ASIC2: variants seen among roughly 807,000 people sequenced by gnomAD.
ASIC2 encodes acid sensing ion channel subunit 2.
Under a neutral mutation model 57.3 loss-of-function variants are expected in ASIC2, and 25 were observed. The ratio of observed to expected loss-of-function variants is 0.44; its 90% CI spans 0.32 to 0.61. ASIC2 has a LOEUF of 0.61. ASIC2 is among the 20% of genes least tolerant of loss of function. The pLI, the probability that ASIC2 is intolerant of heterozygous loss-of-function variation, is 0.06. For synonymous variants in ASIC2, 319 were observed against 307.5 expected (o/e 1.04, Z -0.39); for missense variants, 641 against 738.1 (o/e 0.87, Z 1.52).
chr17:33,447,691 G>T (rs1912077791), intron 1 of ASIC2, among the ~76,000 whole-genome samples: 2 of 152,100 alleles, frequency 1.3e-5, no homozygotes, highest in Non-Finnish European at 2.9e-5. Context: ...ATACAAAAGA[G>T]GTTAGGGAGT....
At position 33,750,267 on chromosome 17, in the gene ASIC2, A is replaced by G. The variant is rs533231941; in HGVS notation, c.555+405711T>C. On this transcript the variant is annotated intron_variant, in intron 1 of 9. Transcript: ENST00000359872. The stretch of plus-strand genomic sequence containing the variant: ...CAGAAGACTATCCAGGACCCTGGGC[A>G]ACCCCTTCCTCTTTCCTGGACTTTG... Among the ~76,000 whole-genome samples the G allele has an allele frequency of 1.2e-4, 19 of 152,272 alleles. 1 individual carries two copies. The East Asian group carries it at 3.7e-3, about 29-fold the overall frequency.
intron 1 of ASIC2, among the ~76,000 whole-genome samples, chr17:34,104,889 GA>G (rs1428836279): frequency 1.3e-5 from 2 of 151,982 alleles, no homozygotes; most frequent in African/African-American, 4.8e-5. Flanking sequence ...TGTTAATGAA[GA>G]ATATTTTCTT....
intron 6 of ASIC2, among the ~76,000 whole-genome samples, chr17:33,023,199 A>C (rs919705162): frequency 1.3e-5 from 2 of 152,204 alleles, no homozygotes. Context: ...CTTTAAAAAA[A>C]TCTCTGGGCC....
intron 1 of ASIC2, among the ~76,000 whole-genome samples, chr17:33,499,517 A>C (rs573074218): frequency 1.3e-5 from 2 of 152,350 alleles, no homozygotes; most frequent in African/African-American, 4.8e-5. Flanking sequence ...GGAGGCATGG[A>C]AAATATTGTT....
intron 1 of ASIC2, among the ~76,000 whole-genome samples, chr17:33,580,883 C>A (rs1291457949): frequency 2.0e-5 from 3 of 152,154 alleles, no homozygotes; most frequent in Non-Finnish European, 2.9e-5. Context: ...CATAGGGGCA[C>A]CTACCCAGGG....
intron 1 of ASIC2, among the ~76,000 whole-genome samples, chr17:33,915,307 T>A (rs749884140): frequency 1.3e-5 from 2 of 152,172 alleles, no homozygotes; most frequent in Admixed American, 6.5e-5. Flanking sequence ...TCTTTTGTAT[T>A]TGTCCTTCCC....
intron 1 of ASIC2, among the ~76,000 whole-genome samples, chr17:33,126,457 G>A (rs2142001884): frequency 6.6e-6 from 1 of 152,306 alleles, no homozygotes; most frequent in African/African-American, 2.4e-5. Context: ...GAGTTGCCAG[G>A]GAGACCATGA....
At chr17:34,153,755 C>A (rs1248481080) in intron 1 of ASIC2, among the ~76,000 whole-genome samples, 2 of 152,202 alleles carry the variant, frequency 1.3e-5, no homozygotes, top group Non-Finnish European at 2.9e-5. Flanking sequence ...CATAGAGGGC[C>A]AGCCTGAGGA....
intron 1 of ASIC2, among the ~76,000 whole-genome samples, chr17:33,418,091 A>G (rs1466784196): frequency 6.8e-6 from 1 of 147,224 alleles, no homozygotes; most frequent in Non-Finnish European, 1.5e-5. Flanking sequence ...GCCATGCTCC[A>G]GTGTGACTGT....
At chr17:33,820,819 G>A (rs548608135) in intron 1 of ASIC2, among the ~76,000 whole-genome samples, 3 of 152,252 alleles carry the variant, frequency 2.0e-5, no homozygotes, top group Admixed American at 2.0e-4. Flanking sequence ...TGGGACTACT[G>A]GTGCGTGTCA....
chr17:33,478,155 A>G lies in ASIC2; in HGVS notation c.556-366088T>C, dbSNP rs1913289707. 2.0e-5 allele frequency among the ~76,000 whole-genome samples: 3 copies of G among 152,224 alleles called. No individual in the cohort carries two copies. The South Asian group carries it at 6.2e-4, about 32-fold the overall frequency. On this transcript the variant is annotated intron_variant, in intron 1 of 9. Transcript: ENST00000359872. ...CCTAGCTGGGCAATATCCCAATGAC[A>G]GCACCAATGGCGGAGAGCTACCTTC...
intron 1 of ASIC2, chr17:34,038,983 C>T (rs1907996315): frequency 2.5e-6 from 4 of 1,614,032 alleles, no homozygotes; most frequent in Admixed American, 1.7e-5. Flanking sequence ...AGTAAAGTAG[C>T]CCAGTCTCAA....
intron 1 of ASIC2, among the ~76,000 whole-genome samples, chr17:33,303,256 T>C (rs1342913642): frequency 1.3e-5 from 2 of 152,192 alleles, no homozygotes; most frequent in East Asian, 3.9e-4. Flanking sequence ...GCAAAAACCC[T>C]TGGGGGAGAT....
intron 1 of ASIC2, among the ~76,000 whole-genome samples, chr17:33,707,253 A>T (rs1214057179): frequency 1.3e-5 from 2 of 152,190 alleles, no homozygotes; most frequent in African/African-American, 2.4e-5. Context: ...GTAAGCTTTT[A>T]AAATCTGAAA....
intron 1 of ASIC2, among the ~76,000 whole-genome samples, chr17:33,463,036 A>G (rs12935963): frequency 0.011 from 1,693 of 152,296 alleles, 30 homozygotes; most frequent in African/African-American, 0.038. Context: ...TCCAATTCAA[A>G]GATACATTCC....
chr17:33,434,426 C>A (rs1008759100), intron 1 of ASIC2, among the ~76,000 whole-genome samples: 4 of 151,930 alleles, frequency 2.6e-5, no homozygotes, highest in Non-Finnish European at 5.9e-5. Context: ...AATTACTGCA[C>A]TTTAAGAAGA....
intron 1 of ASIC2, among the ~76,000 whole-genome samples, chr17:33,345,457 G>T (rs1252328059): frequency 6.6e-6 from 1 of 152,138 alleles, no homozygotes; most frequent in East Asian, 1.9e-4. Flanking sequence ...CTTCTTGGAG[G>T]CTGGGCTCCC....
intron 1 of ASIC2, chr17:33,794,866 G>A (rs1911870888): frequency 6.6e-6 from 1 of 152,126 alleles, no homozygotes; most frequent in African/African-American, 2.4e-5. Context: ...AAAACACCAG[G>A]ACTGGGGCCT....
chr17:34,102,834 G>A (rs531815595), intron 1 of ASIC2, among the ~76,000 whole-genome samples: 1 of 152,302 alleles, frequency 6.6e-6, no homozygotes, highest in East Asian at 1.9e-4. Flanking sequence ...CTTGGATTAA[G>A]GAGTGTTCCT....
Sources: allele counts gnomAD v4.1 joint callset (sites outside exome capture counted in the v4.1 genomes callset), GRCh38; gene constraint gnomAD v4.1.1; transcripts MANE v1.5; gene names NCBI Gene and HGNC (gene_info 2026-07-23, HGNC 2026-07-21).